The following VPS13C variants were observed in gnomAD, a reference collection of about 807,000 sequenced individuals.
VPS13C encodes the protein vacuolar protein sorting 13 homolog C.
VPS13C carries 358 observed loss-of-function variants against 456.8 expected under a neutral mutation model. The ratio of observed to expected loss-of-function variants is 0.78; its 90% CI spans 0.72 to 0.86. The LOEUF (loss-of-function observed/expected upper bound fraction) is 0.86, where lower values mean the gene tolerates loss of function less well. Ranked by LOEUF, VPS13C falls within the 40% of genes least tolerant of loss-of-function variation. The pLI is 0.00. For missense variants in VPS13C, 4,818 were observed against 4,385.4 expected, an observed-to-expected ratio of 1.10 and a Z score of -2.79; for synonymous variants, 1,578 against 1,486.7, an observed-to-expected ratio of 1.06 and a Z score of -1.41.
At chr15:62,014,103 T>C (rs1044315533) in intron 9 of VPS13C, 111 bp from the exon 10 acceptor site, 2 of 643,194 alleles carry the variant, frequency 3.1e-6, no homozygotes, top group African/African-American at 1.8e-5. Flanking sequence ...ATCTACTTAA[T>C]GTTAACTAGT....
intron 24 of VPS13C, among the ~76,000 whole-genome samples, chr15:61,976,840 G>A (rs1298750083): frequency 6.6e-6 from 1 of 151,766 alleles, no homozygotes; most frequent in East Asian, 1.9e-4. Context: ...CATTGGATTC[G>A]ATTCATTCAA....
At chr15:61,933,398 TGTA>T (rs1419113072) in intron 49 of VPS13C, among the ~76,000 whole-genome samples, 1 of 152,138 alleles carries the variant, frequency 6.6e-6, no homozygotes, top group Admixed American at 6.5e-5. Context: ...TTGCATAATT[TGTA>T]GTAAATAAAA....
intron 61 of VPS13C, among the ~76,000 whole-genome samples, chr15:61,915,160 GT>G (rs1275373377): frequency 6.6e-6 from 1 of 152,122 alleles, no homozygotes; most frequent in East Asian, 1.9e-4. Context: ...TTGGGGAAAT[GT>G]GTGGTGAGGG....
chr15:61,945,688 G>C, intron 45 of VPS13C, 27 bp downstream of exon 45: 6 of 1,540,220 alleles, frequency 3.9e-6, no homozygotes, highest in Non-Finnish European at 5.2e-6. Context: ...GCCTCAGTGA[G>C]GAATAAATAT....
At position 61,962,414 on chromosome 15, in the gene VPS13C, C is replaced by G. The variant is rs773462281; in HGVS notation, c.3560G>C (p.Cys1187Ser). Residue 1187 changes from cysteine (C) to serine (S), a missense_variant, in exon 34 of 85, where the codon TGT becomes TCT. Physicochemically the swap from Cys to Ser is moderately radical, Grantham distance 112 (BLOSUM62 -1). Coordinates refer to ENST00000644861, the MANE Select transcript of VPS13C (RefSeq NM_020821.3). ...VDGVLSLNVG[C>S]IQIVYLHKFL... The stretch of plus-strand genomic sequence containing the variant: ...TTTATGAAGATAGACAATCTGAATA[C>G]AGCCAACATTCAGAGACAGCACACC... 3.7e-6 allele frequency: 6 copies of G among 1,604,768 alleles called. No individual in the cohort carries two copies. Among genetic ancestry groups the G allele is most frequent in the Non-Finnish European group, 5.1e-6 (6 of 1,174,718 alleles).
At chr15:61,933,015 T>C (rs1269321024) in intron 49 of VPS13C, among the ~76,000 whole-genome samples, 1 of 152,112 alleles carries the variant, frequency 6.6e-6, no homozygotes, top group Non-Finnish European at 1.5e-5. Flanking sequence ...ATATCTAGGA[T>C]GGATGAAAGG....
At chr15:61,935,599 A>G (rs2044201804) in intron 48 of VPS13C, 1 of 152,216 alleles carries the variant, frequency 6.6e-6, no homozygotes, top group Admixed American at 6.5e-5. Flanking sequence ...ATTCATCTCT[A>G]CATAGTTCCT....
chr15:61,967,306 C>T (rs1003593693), intron 29 of VPS13C, 62 bp downstream of exon 29: 3 of 1,402,948 alleles, frequency 2.1e-6, no homozygotes, highest in African/African-American at 2.9e-5. Flanking sequence ...CTGTCATATT[C>T]TTCCTTCCAG....
At chr15:61,872,199 T>C (rs530880341) in intron 78 of VPS13C, among the ~76,000 whole-genome samples, 165 bp from the exon 79 acceptor site, 3 of 152,294 alleles carry the variant, frequency 2.0e-5, no homozygotes, top group East Asian at 1.9e-4. Flanking sequence ...GTTAGCACTA[T>C]GATTTTTCAA....
chr15:62,043,527 A>G (rs2048306998), intron 2 of VPS13C, among the ~76,000 whole-genome samples: 1 of 152,176 alleles, frequency 6.6e-6, no homozygotes. Context: ...AATTGCTTGA[A>G]CCTGGGAGGC....
At chr15:61,964,622 T>G (rs1163004932) in intron 31 of VPS13C, 77 bp downstream of exon 31, 2 of 1,332,252 alleles carry the variant, frequency 1.5e-6, no homozygotes, top group Non-Finnish European at 2.0e-6. Context: ...CTGAGTCAGA[T>G]AGTCTCTAGT....
intron 12 of VPS13C, among the ~76,000 whole-genome samples, chr15:62,011,641 A>C (rs2047040851): frequency 6.6e-6 from 1 of 152,046 alleles, no homozygotes; most frequent in Non-Finnish European, 1.5e-5. Context: ...GCTTTGTTAG[A>C]GATCCAGTTG....
chr15:61,984,657 G>C (rs1022270028), intron 19 of VPS13C, among the ~76,000 whole-genome samples, 200 bp downstream of exon 19: 6 of 152,098 alleles, frequency 3.9e-5, no homozygotes, highest in Admixed American at 3.3e-4. Context: ...CAAAGGAAAG[G>C]AGGGAGGGCA....
At chr15:61,930,616 T>C (rs554905998) in intron 50 of VPS13C, among the ~76,000 whole-genome samples, 2 of 152,338 alleles carry the variant, frequency 1.3e-5, no homozygotes, top group African/African-American at 4.8e-5. Flanking sequence ...CTAATATAAC[T>C]CACCCTTTCA....
intron 27 of VPS13C, among the ~76,000 whole-genome samples, chr15:61,970,586 G>A (rs1418047040): frequency 1.3e-5 from 2 of 151,992 alleles, no homozygotes; most frequent in South Asian, 2.1e-4. Flanking sequence ...ACTTGAGCCC[G>A]AGAGTTCAAG....
At chr15:61,985,379 C>A (rs1270877065) in intron 18 of VPS13C, among the ~76,000 whole-genome samples, 1 of 152,172 alleles carries the variant, frequency 6.6e-6, no homozygotes, top group African/African-American at 2.4e-5. Context: ...GCCTCAGCCT[C>A]CCGAGTAGCT....
chr15:61,919,974 T>C (rs2043596618), intron 57 of VPS13C, 93 bp downstream of exon 57: 1 of 1,259,396 alleles, frequency 7.9e-7, no homozygotes, highest in South Asian at 2.3e-5. Flanking sequence ...TATCTCCAGA[T>C]ATCTGCAGCA....
chr15:61,919,991 T>G (rs957862222), intron 57 of VPS13C, 76 bp downstream of exon 57: 2 of 1,334,578 alleles, frequency 1.5e-6, no homozygotes, highest in African/African-American at 1.5e-5. Context: ...AGCAAAATGT[T>G]TTTTCACATT....
Position 62,013,700 on chromosome 15 carries a change from C to A in VPS13C, c.744+233G>T, listed in dbSNP as rs1286050316. On this transcript the variant is annotated intron_variant, in intron 10 of 84. Transcript: ENST00000644861. ...AAATATCTCAATATCTAATAAAGTACCATTTGGGAAGTATTAACTGTATCC... is the reference window on the plus strand; with the variant it reads ...AAATATCTCAATATCTAATAAAGTAACATTTGGGAAGTATTAACTGTATCC... 4.0e-5 allele frequency among the ~76,000 whole-genome samples: 6 copies of A among 151,844 alleles called. No homozygotes were observed. The East Asian group carries it at 1.2e-3, about 29-fold the overall frequency.
Sources: gnomAD v4.1 joint callset for allele counts (sites outside exome capture counted in the v4.1 genomes callset) on GRCh38, gnomAD v4.1.1 for gene constraint, MANE v1.5 for transcripts, NCBI Gene and HGNC (gene_info 2026-07-23, HGNC 2026-07-21) for gene names.